VIT: variants seen among roughly 807,000 people sequenced by gnomAD.
VIT encodes the protein vitrin.
A neutral mutation model predicts 78.0 loss-of-function variants in VIT; 99 were observed. The ratio of observed to expected loss-of-function variants is 1.27; its 90% CI spans 1.08 to 1.50. The LOEUF (loss-of-function observed/expected upper bound fraction) is 1.50, where lower values mean the gene tolerates loss of function less well. Ranked by LOEUF, VIT falls within the 40% of genes most tolerant of loss-of-function variation. The probability of loss-of-function intolerance (pLI) is 0.00; values close to 1 mark genes in which losing one functional copy is unlikely to be tolerated. For missense variants in VIT, 1,126 were observed against 875.3 expected (o/e 1.29, Z -3.61); for synonymous variants, 374 against 334.3 (o/e 1.12, Z -1.29).
At chr2:36,738,402 G>A (rs1010619516) in intron 3 of VIT, among the ~76,000 whole-genome samples, 1 of 151,744 alleles carries the variant, frequency 6.6e-6, no homozygotes, top group African/African-American at 2.4e-5. Context: ...GCCTTTTAGG[G>A]TTTTGTAAGG....
intron 11 of VIT, among the ~76,000 whole-genome samples, chr2:36,784,356 C>G (rs528309919): frequency 6.6e-6 from 1 of 152,302 alleles, no homozygotes; most frequent in Non-Finnish European, 1.5e-5. Flanking sequence ...CAGGTTCTCC[C>G]TAGACCTTGC....
At chr2:36,777,150 A>G (rs1670125473) in intron 9 of VIT, among the ~76,000 whole-genome samples, 1 of 113,136 alleles carries the variant, frequency 8.8e-6, no homozygotes, top group Admixed American at 1.1e-4. Flanking sequence ...TAATAGTTAA[A>G]CAAATTGTCA....
chr2:36,774,257 A>ACT (rs1669925664), intron 8 of VIT, among the ~76,000 whole-genome samples: 1 of 132,052 alleles, frequency 7.6e-6, no homozygotes, highest in Non-Finnish European at 1.7e-5. Context: ...GCCACGGGGG[A>ACT]CAGAAACACA....
rs1666781530 is a variant in VIT, at chr2:36,725,551, T to C, written c.53-3875T>C. On this transcript the variant is annotated intron_variant, in intron 2 of 15. Transcript: ENST00000379242. ...ACCTCCCAAAGGCTCCACTTTCTAA[T>C]ATCATCACACTGGGGGTTAGGATGT... Among the ~76,000 whole-genome samples the C allele has an allele frequency of 2.5e-5, 3 of 119,494 alleles. No individual in the cohort carries two copies. The South Asian group carries it at 8.3e-4, about 33-fold the overall frequency. 78.4% of individuals were successfully genotyped at this position (119,494 alleles called of 152,430 possible). A position where few individuals can be genotyped will look rare whatever the true frequency, so the allele number is the denominator to read the frequency against.
chr2:36,806,199 TC>T (rs1253297646), intron 14 of VIT, among the ~76,000 whole-genome samples: 1 of 152,168 alleles, frequency 6.6e-6, no homozygotes, highest in African/African-American at 2.4e-5. Context: ...CCAAAGCTGT[TC>T]CCTTTGTACA....
intron 15 of VIT, among the ~76,000 whole-genome samples, chr2:36,810,724 C>T (rs1667095122): frequency 6.6e-6 from 1 of 151,832 alleles, no homozygotes; most frequent in Non-Finnish European, 1.5e-5. Flanking sequence ...ACCTCTGCCT[C>T]CCGGATTCAA....
intron 12 of VIT, among the ~76,000 whole-genome samples, chr2:36,796,056 G>A (rs1179755739): frequency 6.6e-6 from 1 of 150,680 alleles, no homozygotes; most frequent in Non-Finnish European, 1.5e-5. Flanking sequence ...TAAAGGGTGT[G>A]ATGAAGCTAT....
In VIT at chr2:36,801,365, A is replaced by G. The variant is rs1340212228; in HGVS notation, c.1123A>G (p.Ile375Val). The G allele has an allele frequency of 1.2e-6, 2 of 1,614,116 alleles. No individual in the cohort carries two copies. The highest frequency in any genetic ancestry group is 8.5e-7 in the Non-Finnish European group (1 of 1,180,028). The change falls in exon 13 of 16, where the codon ATA becomes GTA. Residue 375 changes from isoleucine to valine, a missense_variant. Physicochemically the swap from Ile to Val is conservative, Grantham distance 29. Transcript: ENST00000379242. Reference protein sequence around the residue: ...HTNSRDLKTAIEKITQRGGLS... With the variant: ...HTNSRDLKTAVEKITQRGGLS... Reference sequence around the variant, plus strand: ...GAATTCTCGAGATCTGAAGACAGCCATAGAGAAAATTACTCAGAGAGGAGG... The same window carrying G: ...GAATTCTCGAGATCTGAAGACAGCCGTAGAGAAAATTACTCAGAGAGGAGG...
intron 6 of VIT, among the ~76,000 whole-genome samples, 181 bp from the exon 7 acceptor site, chr2:36,766,913 G>A (rs1444470569): frequency 1.3e-5 from 2 of 152,222 alleles, no homozygotes; most frequent in Non-Finnish European, 2.9e-5. Flanking sequence ...TTGAGTGATT[G>A]CTCTGAGAGC....
intron 1 of VIT, among the ~76,000 whole-genome samples, chr2:36,713,247 T>A (rs1266480295): frequency 6.6e-6 from 1 of 152,088 alleles, no homozygotes; most frequent in East Asian, 1.9e-4. Context: ...AGGGAGCAAG[T>A]CATGTGCTTA....
intron 13 of VIT, among the ~76,000 whole-genome samples, chr2:36,802,946 G>C (rs1666437662): frequency 6.6e-6 from 1 of 152,230 alleles, no homozygotes; most frequent in Non-Finnish European, 1.5e-5. Context: ...GCTTCCTGCA[G>C]AAGTAGGACC....
intron 1 of VIT, among the ~76,000 whole-genome samples, chr2:36,703,396 G>T (rs1444187937): frequency 7.4e-6 from 1 of 134,896 alleles, no homozygotes; most frequent in African/African-American, 2.7e-5. Context: ...GAGCTTCAAA[G>T]AGACCACTTT....
chr2:36,751,843 A>C (rs1668484476), intron 4 of VIT, among the ~76,000 whole-genome samples: 1 of 152,222 alleles, frequency 6.6e-6, no homozygotes, highest in African/African-American at 2.4e-5. Context: ...ACCACTATTC[A>C]AAGGGAAGAT....
intron 12 of VIT, among the ~76,000 whole-genome samples, chr2:36,798,947 A>T (rs1666112443): frequency 6.6e-6 from 1 of 151,840 alleles, no homozygotes; most frequent in Non-Finnish European, 1.5e-5. Context: ...CCAGCTCAAC[A>T]CCCCCATTTC....
At chr2:36,716,513 G>C in intron 2 of VIT, 91 bp downstream of exon 2, 1 of 1,126,260 alleles carries the variant, frequency 8.9e-7, no homozygotes, top group East Asian at 2.4e-5. Flanking sequence ...AACCAAGACA[G>C]AGCATATAAA....
intron 4 of VIT, among the ~76,000 whole-genome samples, chr2:36,753,142 T>A (rs977462572): frequency 1.4e-5 from 2 of 144,888 alleles, no homozygotes; most frequent in African/African-American, 5.2e-5. Context: ...CACTTATACG[T>A]GGGAGCTGCT....
intron 4 of VIT, among the ~76,000 whole-genome samples, chr2:36,749,405 G>A (rs980716376): frequency 2.6e-5 from 4 of 152,300 alleles, no homozygotes; most frequent in South Asian, 2.1e-4. Flanking sequence ...TGCAGATACC[G>A]TAACAGAATC....
chr2:36,789,670 G>T (rs575892401), intron 12 of VIT, among the ~76,000 whole-genome samples: 2 of 152,172 alleles, frequency 1.3e-5, no homozygotes, highest in Non-Finnish European at 2.9e-5. Context: ...ACAGAGGAAG[G>T]AAGTGGGGCA....
intron 12 of VIT, among the ~76,000 whole-genome samples, chr2:36,796,492 GA>G (rs768807588): frequency 8.5e-5 from 13 of 152,308 alleles, no homozygotes; most frequent in Non-Finnish European, 1.3e-4. Context: ...TGTGGTAGGG[GA>G]AAGAGACAGG....
Sources: allele counts gnomAD v4.1 joint callset (sites outside exome capture counted in the v4.1 genomes callset), GRCh38; gene constraint gnomAD v4.1.1; transcripts MANE v1.5; gene names NCBI Gene and HGNC (gene_info 2026-07-23, HGNC 2026-07-21).